The following RBM47 variants were observed in gnomAD, a reference collection of about 807,000 sequenced individuals.
RBM47 encodes RNA-binding protein 47.
A neutral mutation model predicts 47.1 loss-of-function variants in RBM47; 21 were observed. That is an observed-to-expected ratio of 0.45 (90% CI 0.32 to 0.64). The LOEUF (loss-of-function observed/expected upper bound fraction) is 0.64, where lower values mean the gene tolerates loss of function less well. RBM47 is among the 30% of genes least tolerant of loss of function. The probability of loss-of-function intolerance (pLI) is 0.05; values close to 1 mark genes in which losing one functional copy is unlikely to be tolerated. For missense variants in RBM47, 708 were observed against 870.9 expected (o/e 0.81, Z 2.35); for synonymous variants, 375 against 361.7 (o/e 1.04, Z -0.42).
intron 2 of RBM47, among the ~76,000 whole-genome samples, chr4:40,538,430 G>A (rs1325202114): frequency 2.7e-5 from 4 of 150,188 alleles, no homozygotes; most frequent in South Asian, 2.1e-4. Context: ...GGGTTCAAGC[G>A]ATTCTCCTGT....
intron 1 of RBM47, among the ~76,000 whole-genome samples, chr4:40,552,377 G>A (rs1387728741): frequency 1.3e-5 from 2 of 150,942 alleles, no homozygotes; most frequent in African/African-American, 4.9e-5. Flanking sequence ...CAGCCTGGGC[G>A]ACAGAGTGAG....
At chr4:40,517,755 T>TA (rs1271275503) in intron 2 of RBM47, among the ~76,000 whole-genome samples, 1 of 152,206 alleles carries the variant, frequency 6.6e-6, no homozygotes, top group Non-Finnish European at 1.5e-5. Flanking sequence ...GCTGTGTCTG[T>TA]ACTAAACACA....
intron 2 of RBM47, among the ~76,000 whole-genome samples, chr4:40,481,558 C>CTT (rs1353198149): frequency 1.1e-4 from 15 of 131,656 alleles, no homozygotes; most frequent in African/African-American, 3.9e-4. Flanking sequence ...CATGATGTGG[C>CTT]TTTTTTTTTT....
intron 1 of RBM47, among the ~76,000 whole-genome samples, chr4:40,592,971 ATATATATATTTTTT>A (rs1274903109): frequency 0.036 from 812 of 22,774 alleles, 35 homozygotes; most frequent in South Asian, 0.054. Flanking sequence ...ATATATATAT[ATATATATATTTTTT>A]TTTTTTTTTT....
At chr4:40,453,591 T>A (rs770622076) in intron 3 of RBM47, among the ~76,000 whole-genome samples, 1 of 152,234 alleles carries the variant, frequency 6.6e-6, no homozygotes, top group Non-Finnish European at 1.5e-5. Flanking sequence ...CTCCATTTTA[T>A]TGAACATCTT....
At chr4:40,623,766 T>C (rs1428254426) in intron 1 of RBM47, among the ~76,000 whole-genome samples, 1 of 152,240 alleles carries the variant, frequency 6.6e-6, no homozygotes, top group Non-Finnish European at 1.5e-5. Flanking sequence ...ATGCACTTTT[T>C]TCCTCCTCAT....
chr4:40,544,074 G>A (rs545014429), intron 2 of RBM47: 3 of 152,290 alleles, frequency 2.0e-5, no homozygotes, highest in Non-Finnish European at 2.9e-5. Flanking sequence ...TGTGAAGGGC[G>A]GGGGATGCAT....
At chr4:40,583,401 A>G (rs1197573634) in intron 1 of RBM47, among the ~76,000 whole-genome samples, 1 of 150,172 alleles carries the variant, frequency 6.7e-6, no homozygotes, top group Non-Finnish European at 1.5e-5. Flanking sequence ...AAAAAAAAAA[A>G]AAAAAAAAAA....
At chr4:40,624,364 C>A (rs904217551) in intron 1 of RBM47, among the ~76,000 whole-genome samples, 1 of 152,202 alleles carries the variant, frequency 6.6e-6, no homozygotes, top group Admixed American at 6.5e-5. Context: ...CTAAAATCTG[C>A]ATCTTTACTC....
At chr4:40,512,241 T>A (rs112459405) in intron 2 of RBM47, among the ~76,000 whole-genome samples, 4,328 of 151,184 alleles carry the variant, frequency 0.029, 120 homozygotes, top group African/African-American at 0.066. Context: ...GCCAACATAA[T>A]GAAACCCCTT....
intron 6 of RBM47, among the ~76,000 whole-genome samples, chr4:40,431,348 A>G (rs946443177): frequency 6.6e-6 from 1 of 152,256 alleles, no homozygotes; most frequent in South Asian, 2.1e-4. Context: ...ATGATGTAGT[A>G]ATCAGGAGTA....
intron 1 of RBM47, among the ~76,000 whole-genome samples, chr4:40,581,395 T>C (rs1260389269): frequency 1.3e-5 from 2 of 151,152 alleles, no homozygotes; most frequent in Non-Finnish European, 2.9e-5. Flanking sequence ...GCTTCCAGCC[T>C]GGGTGACAGA....
intron 2 of RBM47, among the ~76,000 whole-genome samples, chr4:40,507,971 C>G (rs749149762): frequency 7.2e-5 from 11 of 151,880 alleles, no homozygotes; most frequent in Non-Finnish European, 1.6e-4. Context: ...GAGGCTGAGG[C>G]AGGAGAATAG....
chr4:40,528,954 AAATAAAT>A lies in RBM47; in HGVS notation c.-155+15461_-155+15467del, dbSNP rs1560447647. Among the ~76,000 whole-genome samples the A allele has an allele frequency of 9.5e-4, 98 of 103,666 alleles. 5 individuals carry two copies. In the South Asian group the frequency reaches 0.024, roughly 25 times the overall value. 68.0% of individuals were successfully genotyped at this position (103,666 alleles called of 152,430 possible). ...CGAGACTCCGTCTCAAAAAAAAAATAAATAAATAAATAAATAAATAAATAAATAAATA... is the reference window on the plus strand; with the variant it reads ...CGAGACTCCGTCTCAAAAAAAAAATAAAATAAATAAATAAATAAATAAATA... On this transcript the variant is annotated intron_variant, in intron 2 of 6. Transcript: ENST00000295971.
At chr4:40,537,825 CT>C (rs1207081088) in intron 2 of RBM47, among the ~76,000 whole-genome samples, 2 of 151,100 alleles carry the variant, frequency 1.3e-5, no homozygotes, top group Middle Eastern at 3.2e-3. Flanking sequence ...TCTGACAAGT[CT>C]TTTTTTTCCT....
At chr4:40,503,861 C>T (rs372571745) in intron 2 of RBM47, among the ~76,000 whole-genome samples, 38 of 151,702 alleles carry the variant, frequency 2.5e-4, no homozygotes, top group African/African-American at 6.8e-4. Context: ...AAAGAGGACA[C>T]GGAAATAAGC....
At chr4:40,521,523 T>A (rs1474483307) in intron 2 of RBM47, among the ~76,000 whole-genome samples, 1 of 152,198 alleles carries the variant, frequency 6.6e-6, no homozygotes, top group Non-Finnish European at 1.5e-5. Context: ...TAAGTCTCAA[T>A]TCAAGTAGAT....
intron 6 of RBM47, among the ~76,000 whole-genome samples, chr4:40,431,538 G>C (rs941998793): frequency 4.6e-5 from 7 of 151,980 alleles, no homozygotes; most frequent in Non-Finnish European, 7.4e-5. Context: ...TGCGCCTGTA[G>C]TCCCAGCTAC....
intron 4 of RBM47, among the ~76,000 whole-genome samples, chr4:40,437,546 A>AT (rs1458383905): frequency 6.6e-6 from 1 of 152,098 alleles, no homozygotes; most frequent in East Asian, 1.9e-4. Flanking sequence ...TATTCCTGTG[A>AT]TTTTACCGCT....
Sources: allele counts gnomAD v4.1 joint callset (sites outside exome capture counted in the v4.1 genomes callset), GRCh38; gene constraint gnomAD v4.1.1; transcripts MANE v1.5; gene names NCBI Gene and HGNC (gene_info 2026-07-23, HGNC 2026-07-21).